Variants in KHDRBS3 observed in about 807,000 individuals in gnomAD.
The protein encoded by KHDRBS3 is KH RNA binding domain containing, signal transduction associated 3.
Under a neutral mutation model 45.6 loss-of-function variants are expected in KHDRBS3, and 23 were observed. That is an observed-to-expected ratio of 0.50 (90% CI 0.36 to 0.72). The LOEUF (loss-of-function observed/expected upper bound fraction) is 0.72. Among genes scored for constraint, KHDRBS3 ranks in the 30% least tolerant of loss-of-function variants. The pLI, the probability that KHDRBS3 is intolerant of heterozygous loss-of-function variation, is 0.00. For missense variants in KHDRBS3, 352 were observed against 424.8 expected (o/e 0.83, Z 1.51); for synonymous variants, 162 against 156.5 (o/e 1.04, Z -0.26).
intron 1 of KHDRBS3, among the ~76,000 whole-genome samples, chr8:135,510,858 G>A (rs902325807): frequency 9.2e-5 from 14 of 152,148 alleles, no homozygotes; most frequent in African/African-American, 3.4e-4. Context: ...GTTTGCTTCC[G>A]TATGAACCCA....
intron 5 of KHDRBS3, among the ~76,000 whole-genome samples, chr8:135,575,093 G>A (rs374686251): frequency 2.0e-5 from 3 of 152,138 alleles, no homozygotes; most frequent in African/African-American, 7.2e-5. Flanking sequence ...TGTACCAATT[G>A]TTATGGTCTA....
chr8:135,626,752 C>T (rs189296959), intron 7 of KHDRBS3, among the ~76,000 whole-genome samples: 141 of 135,540 alleles, frequency 1.0e-3, no homozygotes, highest in South Asian at 2.1e-3. Flanking sequence ...TGCAGTGAGC[C>T]GAGATTGCGC....
chr8:135,638,967 CAA>C (rs35677198), intron 7 of KHDRBS3, among the ~76,000 whole-genome samples: 8 of 92,274 alleles, frequency 8.7e-5, no homozygotes, highest in Admixed American at 1.2e-4. Context: ...GACTCCGTCT[CAA>C]AAAAAAAAAA....
At chr8:135,636,698 C>T (rs1439284802) in intron 7 of KHDRBS3, among the ~76,000 whole-genome samples, 2 of 152,170 alleles carry the variant, frequency 1.3e-5, no homozygotes, top group Admixed American at 6.5e-5. Context: ...TCAACTGAAT[C>T]GTCCTCACAT....
In KHDRBS3 at chr8:135,581,880, G is replaced by A; in HGVS notation, c.614G>A (p.Gly205Glu). Reference sequence around the variant, plus strand: ...TAATTTGACTCTCTTGGTTACAGGGGAAGGGGAGGAGTTACAGCCCGGCCA... The same window carrying A: ...TAATTTGACTCTCTTGGTTACAGGGAAAGGGGAGGAGTTACAGCCCGGCCA... ...RGVPAPAITR[G>E]RGGVTARPVG... The change falls in exon 6 of 9, where the codon GGA becomes GAA. Residue 205 changes from glycine (G) to glutamate (E), a missense_variant and splice_region_variant. This residue lies in a region of KHDRBS3 where 212 missense variants were observed against 209.6 expected (regional missense o/e 1.01). Coordinates refer to ENST00000355849, the MANE Select transcript of KHDRBS3 (RefSeq NM_006558.3). 1 of 1,583,314 alleles carries A rather than the reference G, an allele frequency of 6.3e-7. No homozygotes were observed. The highest frequency in any genetic ancestry group is 8.6e-7 in the Non-Finnish European group (1 of 1,160,254).
chr8:135,596,414 T>C (rs961945244), intron 6 of KHDRBS3, among the ~76,000 whole-genome samples: 5 of 152,260 alleles, frequency 3.3e-5, no homozygotes, highest in South Asian at 2.1e-4. Flanking sequence ...GTGGAATGGA[T>C]CCCAGAGAAG....
At chr8:135,529,892 C>CA (rs536380725) in intron 2 of KHDRBS3, among the ~76,000 whole-genome samples, 23 of 150,290 alleles carry the variant, frequency 1.5e-4, no homozygotes, top group Admixed American at 4.6e-4. Context: ...ACTAAAAATA[C>CA]AAAAAAAAAT....
intron 5 of KHDRBS3, among the ~76,000 whole-genome samples, chr8:135,560,677 A>G (rs1827126476): frequency 6.6e-6 from 1 of 152,240 alleles, no homozygotes; most frequent in African/African-American, 2.4e-5. Context: ...ATCTGCACAG[A>G]TGAAAACTCA....
intron 5 of KHDRBS3, among the ~76,000 whole-genome samples, chr8:135,562,939 A>G (rs904355495): frequency 2.0e-5 from 3 of 152,178 alleles, no homozygotes; most frequent in African/African-American, 7.2e-5. Flanking sequence ...AATATCTTCA[A>G]TGGCATTCTT....
chr8:135,547,334 G>A (rs1248976571), intron 3 of KHDRBS3, among the ~76,000 whole-genome samples: 1 of 152,136 alleles, frequency 6.6e-6, no homozygotes, highest in South Asian at 2.1e-4. Flanking sequence ...GTTAGGCAGT[G>A]TACTAGGTAG....
intron 1 of KHDRBS3, among the ~76,000 whole-genome samples, chr8:135,473,387 A>G (rs1177183736): frequency 5.3e-5 from 8 of 152,030 alleles, no homozygotes; most frequent in Admixed American, 5.2e-4. Flanking sequence ...GTTTTTGGTT[A>G]GTGTTGCTAC....
chr8:135,600,565 C>G (rs1586784486), intron 6 of KHDRBS3, among the ~76,000 whole-genome samples: 1 of 152,198 alleles, frequency 6.6e-6, no homozygotes, highest in African/African-American at 2.4e-5. Context: ...TGGATTCTCA[C>G]CACAGTATTA....
intron 2 of KHDRBS3, among the ~76,000 whole-genome samples, chr8:135,534,869 C>G (rs1015610008): frequency 5.3e-5 from 8 of 152,142 alleles, no homozygotes; most frequent in African/African-American, 1.9e-4. Flanking sequence ...ACACCATGCA[C>G]AAGCCTATTC....
intron 7 of KHDRBS3, among the ~76,000 whole-genome samples, chr8:135,618,818 T>C (rs1335949012): frequency 6.6e-6 from 1 of 152,206 alleles, no homozygotes; most frequent in African/African-American, 2.4e-5. Flanking sequence ...AAAAACGTAG[T>C]GAGAGAATAT....
At chr8:135,557,708 A>G (rs1203808142) in intron 5 of KHDRBS3, 121 bp downstream of exon 5, 1 of 745,356 alleles carries the variant, frequency 1.3e-6, no homozygotes, top group Non-Finnish European at 2.3e-6. Flanking sequence ...ATGGTGGCAC[A>G]TGCCTGTAGT....
intron 1 of KHDRBS3, among the ~76,000 whole-genome samples, chr8:135,510,804 A>G (rs1824244645): frequency 6.6e-6 from 1 of 152,064 alleles, no homozygotes; most frequent in African/African-American, 2.4e-5. Flanking sequence ...AAGCTTAAGT[A>G]TTCTCTTCCT....
At chr8:135,553,132 C>G (rs1826695139) in intron 4 of KHDRBS3, among the ~76,000 whole-genome samples, 1 of 152,162 alleles carries the variant, frequency 6.6e-6, no homozygotes, top group Admixed American at 6.6e-5. Flanking sequence ...TGTCCAATTT[C>G]TGGCTAGCCT....
intron 7 of KHDRBS3, among the ~76,000 whole-genome samples, chr8:135,639,019 G>A (rs1196801766): frequency 6.6e-6 from 1 of 151,268 alleles, no homozygotes; most frequent in East Asian, 1.9e-4. Context: ...AAACCAGGAA[G>A]TATAACATCC....
intron 6 of KHDRBS3, among the ~76,000 whole-genome samples, chr8:135,605,860 C>T (rs1403416461): frequency 1.3e-5 from 2 of 152,072 alleles, no homozygotes. Context: ...CTATTGACTG[C>T]TTTTTTTCTT....
Sources: gnomAD v4.1 joint callset for allele counts (sites outside exome capture counted in the v4.1 genomes callset) on GRCh38, gnomAD v4.1.1 for gene constraint, gnomAD v4.1.1 regional missense constraint, MANE v1.5 for transcripts, NCBI Gene and HGNC (gene_info 2026-07-23, HGNC 2026-07-21) for gene names.